Variants in DNAH8 observed in about 807,000 individuals in gnomAD.
DNAH8 encodes the protein axonemal beta dynein heavy chain 8.
Under a neutral mutation model 562.1 loss-of-function variants are expected in DNAH8, and 382 were observed. That is an observed-to-expected ratio of 0.68 (90% CI 0.63 to 0.74). DNAH8 has a LOEUF of 0.74. Ranked by LOEUF, DNAH8 falls within the 30% of genes least tolerant of loss-of-function variation. DNAH8 has a pLI of 0.00. For missense variants in DNAH8, 5,203 were observed against 5,620.4 expected (o/e 0.93, Z 2.37); for synonymous variants, 1,881 against 1,919.4 (o/e 0.98, Z 0.52).
At chr6:38,735,096 G>A (rs542172525) in intron 5 of DNAH8, among the ~76,000 whole-genome samples, 2 of 152,276 alleles carry the variant, frequency 1.3e-5, no homozygotes, top group Admixed American at 6.5e-5. Flanking sequence ...TCACTTAAAT[G>A]TGTCCTCTGG....
At chr6:38,869,649 A>G (rs967036183) in intron 48 of DNAH8, among the ~76,000 whole-genome samples, 4 of 152,204 alleles carry the variant, frequency 2.6e-5, no homozygotes, top group African/African-American at 9.7e-5. Context: ...TTTTGCAGCC[A>G]TTGTTGGATG....
chr6:38,986,121 G>A (rs1314609730), intron 87 of DNAH8, among the ~76,000 whole-genome samples: 3 of 152,220 alleles, frequency 2.0e-5, no homozygotes, highest in Non-Finnish European at 4.4e-5. Flanking sequence ...CTGCTCCTGA[G>A]TATATGTCCC....
Position 38,822,842 on chromosome 6 carries a change from T to A in DNAH8, c.3528T>A (p.Ser1176=). The stretch of plus-strand genomic sequence containing the variant: ...TGTAAAAACATCTGTTTTCAGGATC[T>A]TTTGAAGAAGCTATTCCTGCGAGGA... The part of the protein sequence containing the change: ...TGKLLKKEER[S]FEEAIPARKL... Residue 1176 remains serine, a synonymous_variant, in exon 27 of 93, where the codon TCT becomes TCA. Transcript: ENST00000327475. The A allele has an allele frequency of 6.3e-7, 1 of 1,575,740 alleles. No homozygotes were observed. Among genetic ancestry groups the A allele is most frequent in the African/African-American group, 1.4e-5 (1 of 73,138 alleles).
chr6:38,864,773 A>G (rs1456097560), intron 45 of DNAH8, among the ~76,000 whole-genome samples: 2 of 152,208 alleles, frequency 1.3e-5, no homozygotes, highest in African/African-American at 2.4e-5. Flanking sequence ...TGTACACTGT[A>G]TCTTATAGCT....
intron 77 of DNAH8, among the ~76,000 whole-genome samples, chr6:38,936,065 C>T (rs1375333849): frequency 6.6e-6 from 1 of 151,412 alleles, no homozygotes; most frequent in Non-Finnish European, 1.5e-5. Flanking sequence ...CTCTGTCTCC[C>T]AAGCCAGACG....
rs912647817 is a variant in DNAH8, at chr6:38,843,116, A to C, written c.4845+213A>C. On this transcript the variant is annotated intron_variant, in intron 35 of 92. Coordinates refer to ENST00000327475, the MANE Select transcript of DNAH8 (RefSeq NM_001206927.2). ...TGATTATTTGAAATACATTATTTGA[A>C]ATACATTTGTTCTGGAACCCTTCAA... 5.9e-5 allele frequency among the ~76,000 whole-genome samples: 9 copies of C among 152,130 alleles called. No homozygotes were observed. In the East Asian group the frequency reaches 1.7e-3, roughly 29 times the overall value.
Position 38,971,652 on chromosome 6 carries a change from T to A in DNAH8, c.12512T>A (p.Met4171Lys). 6.2e-7 allele frequency: 1 copy of A among 1,601,668 alleles called. No individual in the cohort carries two copies. The highest frequency in any genetic ancestry group is 1.1e-5 in the South Asian group (1 of 88,680). ...GTACATGCTCGAAAGCTGATTCAGA[T>A]GTCAATGCAGCAGGTATGTGACAAG... ...QEVHARKLIQ[M>K]SMQQGGWVLL... The change falls in exon 83 of 93, where the codon ATG becomes AAG. Residue 4171 changes from methionine (M) to lysine (K), a missense_variant. Met to Lys is a moderately conservative substitution (Grantham distance 95). Around this residue, in one of 6 missense-constraint regions of DNAH8, gnomAD observed 1,399 missense variants for 1,518.4 expected, o/e 0.92. Coordinates refer to ENST00000327475, the MANE Select transcript of DNAH8 (RefSeq NM_001206927.2).
chr6:38,882,840 C>T (rs139046522), intron 53 of DNAH8, 70 bp from the exon 54 acceptor site: 2 of 1,106,648 alleles, frequency 1.8e-6, no homozygotes, highest in East Asian at 5.5e-5. Context: ...TTGCACTTAA[C>T]ATTTTTGTAT....
chr6:38,761,760 A>G lies in DNAH8; in HGVS notation c.1574A>G (p.His525Arg), dbSNP rs1408538785. The G allele has an allele frequency of 3.8e-6, 6 of 1,565,748 alleles. No individual in the cohort carries two copies. The highest frequency in any genetic ancestry group is 1.4e-5 in the African/African-American group (1 of 71,308). The change falls in exon 11 of 93, where the codon CAT becomes CGT. Residue 525 changes from histidine (H) to arginine (R), a missense_variant. His to Arg is a conservative substitution (Grantham distance 29, BLOSUM62 0). Coordinates refer to ENST00000327475, the MANE Select transcript of DNAH8 (RefSeq NM_001206927.2). ...TATATTACTGATGGAGGATTAAACC[A>G]TGTATGGGATCAGGAAACGCCAGTT... is the stretch of plus-strand genomic sequence containing the variant. ...KAYITDGGLN[H>R]VWDQETPVVL...
At chr6:38,904,691 C>T (rs1780310321) in intron 62 of DNAH8, among the ~76,000 whole-genome samples, 1 of 148,926 alleles carries the variant, frequency 6.7e-6, no homozygotes, top group South Asian at 2.1e-4. Flanking sequence ...ACTCAAGAGG[C>T]TGAGGCAGGA....
intron 76 of DNAH8, 29 bp from the exon 77 acceptor site, chr6:38,935,563 C>A: frequency 2.0e-6 from 3 of 1,485,308 alleles, no homozygotes; most frequent in Non-Finnish European, 2.8e-6. Flanking sequence ...ATTATAGTTC[C>A]AATGTTATTT....
Position 38,835,861 on chromosome 6 carries a change from ATTTTTAAAATAGTTGGT to A in DNAH8, c.4365+1229_4365+1245del, listed in dbSNP as rs139944644. 0.01 allele frequency among the ~76,000 whole-genome samples: 1,544 copies of A among 152,186 alleles called. 81 individuals carry two copies. The East Asian group carries it at 0.14, about 14-fold the overall frequency. ...CAGGGAGTGATATGATCATACTTGA[ATTTTTAAAATAGTTGGT>A]TTTTTAAAGATTTTTAGTGGTACTA... On this transcript the variant is annotated intron_variant, in intron 32 of 92. Coordinates refer to ENST00000327475, the MANE Select transcript of DNAH8 (RefSeq NM_001206927.2).
chr6:38,837,917 T>G, intron 32 of DNAH8, 25 bp from the exon 33 acceptor site: 1 of 1,480,774 alleles, frequency 6.8e-7, no homozygotes, highest in Non-Finnish European at 9.4e-7. Flanking sequence ...TGTATTTTAG[T>G]ACAATTTAAA....
At chr6:38,815,118 AC>A (rs1772126180) in intron 25 of DNAH8, among the ~76,000 whole-genome samples, 1 of 152,208 alleles carries the variant, frequency 6.6e-6, no homozygotes, top group South Asian at 2.1e-4. Flanking sequence ...GATCTCTAAC[AC>A]ATAGTCTGTA....
intron 79 of DNAH8, among the ~76,000 whole-genome samples, chr6:38,941,129 A>T (rs1274011663): frequency 6.6e-6 from 1 of 152,080 alleles, no homozygotes; most frequent in African/African-American, 2.4e-5. Flanking sequence ...AGAAAAAAAA[A>T]AAAGGAATCT....
chr6:38,920,806 G>T (rs1011297394), intron 70 of DNAH8, among the ~76,000 whole-genome samples: 2 of 152,072 alleles, frequency 1.3e-5, no homozygotes, highest in Admixed American at 6.5e-5. Flanking sequence ...ATACTCACAG[G>T]TTATGTCTGA....
At chr6:38,834,086 C>T (rs1158415717) in intron 31 of DNAH8, among the ~76,000 whole-genome samples, 1 of 152,082 alleles carries the variant, frequency 6.6e-6, no homozygotes, top group African/African-American at 2.4e-5. Flanking sequence ...TACATGTGTC[C>T]CTATTTCCAT....
In DNAH8 at chr6:39,012,359, A is replaced by G. The variant is rs1448526911; in HGVS notation, c.13516A>G (p.Met4506Val). 1 of 1,612,150 alleles carries G rather than the reference A, an allele frequency of 6.2e-7. No individual in the cohort carries two copies. The highest frequency in any genetic ancestry group is 8.5e-7 in the Non-Finnish European group (1 of 1,178,436). ...LKLAIEGTII[M>V]SENLRDALDN... ...ATTGGCCATTGAAGGAACAATCATT[A>G]TGAGTGAGGTGAGCTGTTATTACAT... is the stretch of plus-strand genomic sequence containing the variant. Residue 4506 changes from methionine to valine, a missense_variant, in exon 90 of 93, where the codon ATG becomes GTG. Physicochemically the swap from Met to Val is conservative, Grantham distance 21. Transcript: ENST00000327475.
At chr6:38,851,538 C>T (rs750101376) in intron 38 of DNAH8, 34 bp from the exon 39 acceptor site, 2 of 1,389,850 alleles carry the variant, frequency 1.4e-6, no homozygotes, top group African/African-American at 1.5e-5. Context: ...GGAAAAAAAA[C>T]CACTTGGTAA....
Sources: gnomAD v4.1 joint callset for allele counts (sites outside exome capture counted in the v4.1 genomes callset) on GRCh38, gnomAD v4.1.1 for gene constraint, gnomAD v4.1.1 regional missense constraint, MANE v1.5 for transcripts, NCBI Gene and HGNC (gene_info 2026-07-23, HGNC 2026-07-21) for gene names.